The following TMEM192 variants were observed in gnomAD, a reference collection of about 807,000 sequenced individuals.
TMEM192 encodes the protein transmembrane protein 192.
Under a neutral mutation model 26.7 loss-of-function variants are expected in TMEM192, and 20 were observed. The ratio of observed to expected loss-of-function variants is 0.75; its 90% CI spans 0.53 to 1.09. The LOEUF is 1.09. Among genes scored for constraint, TMEM192 ranks in the 50% least tolerant of loss-of-function variants. The pLI is 0.00. For missense variants in TMEM192, 304 were observed against 322.6 expected (o/e 0.94, Z 0.44); for synonymous variants, 124 against 121.0 (o/e 1.02, Z -0.16).
chr4:165,090,211 T>A (rs1578903534), intron 3 of TMEM192, among the ~76,000 whole-genome samples: 1 of 77,258 alleles, frequency 1.3e-5, no homozygotes. Context: ...AACTCCGTCT[T>A]GGAAAAAAAA....
chr4:165,095,732 C>A (rs376067857), intron 3 of TMEM192, among the ~76,000 whole-genome samples: 3 of 152,130 alleles, frequency 2.0e-5, no homozygotes, highest in African/African-American at 7.2e-5. Flanking sequence ...GTGAAAAAAG[C>A]CCCAAATATG....
In TMEM192 at chr4:165,077,418, A is replaced by G. The variant is rs1020752207; in HGVS notation, c.*2240T>C. ...CCAGAACAGAGAAACAGATTTCTAG[A>G]GAAGGCAATGGCTTTGAGATACATA... On this transcript the variant is annotated 3_prime_UTR_variant, in exon 6 of 6. Coordinates refer to ENST00000306480, the MANE Select transcript of TMEM192 (RefSeq NM_001100389.2). The G allele has an allele frequency of 4.6e-5, 7 of 152,228 alleles. No homozygotes were observed. The highest frequency in any genetic ancestry group is 8.8e-5 in the Non-Finnish European group (6 of 68,042). The allele number at this position is 152,228 out of a possible 1,614,324, so 9.4% of individuals were successfully genotyped here.
rs1560920663 is a variant in TMEM192, at chr4:165,071,175, A to G, written c.*8483T>C. ...TTATAAATTAGGCACAGAGAGTAAC[A>G]ACATTAATAACAAAATAGAATAATT... On this transcript the variant is annotated 3_prime_UTR_variant, in exon 6 of 6. Coordinates refer to ENST00000306480, the MANE Select transcript of TMEM192 (RefSeq NM_001100389.2). The G allele has an allele frequency of 6.6e-6, 1 of 152,192 alleles. No individual in the cohort carries two copies. The highest frequency in any genetic ancestry group is 1.9e-4 in the East Asian group (1 of 5,206). The allele number at this position is 152,192 out of a possible 1,614,324, so 9.4% of individuals were successfully genotyped here. A position where few individuals can be genotyped will look rare whatever the true frequency, so the allele number is the denominator to read the frequency against.
rs1326966033 is a variant in TMEM192 at position 165,112,790 on chromosome 4, C to T, written c.-17G>A. The T allele has an allele frequency of 6.2e-7, 1 of 1,606,036 alleles. No individual in the cohort carries two copies. Among genetic ancestry groups the T allele is most frequent in the Middle Eastern group, 1.7e-4 (1 of 6,044 alleles). On this transcript the variant is annotated 5_prime_UTR_variant, in exon 1 of 6. Transcript: ENST00000306480. Reference sequence around the variant, plus strand: ...CGCCGCCATTTCCCGACGCCGGAGGCCGAAGCCCTGGCCAGCCCGGCCTCT... The same window carrying T: ...CGCCGCCATTTCCCGACGCCGGAGGTCGAAGCCCTGGCCAGCCCGGCCTCT...
chr4:165,070,761 G>A lies in TMEM192; in HGVS notation c.*8897C>T, dbSNP rs1325618737. Reference sequence around the variant, plus strand: ...GAGCCCAGGTTACAGCTGGATTACAGGAACAGGCTTTGAGCATGTGTGAGC... The same window carrying A: ...GAGCCCAGGTTACAGCTGGATTACAAGAACAGGCTTTGAGCATGTGTGAGC... On this transcript the variant is annotated 3_prime_UTR_variant, in exon 6 of 6. Transcript: ENST00000306480. 1 of 152,208 alleles carries A rather than the reference G, an allele frequency of 6.6e-6. No individual in the cohort carries two copies. Among genetic ancestry groups the A allele is most frequent in the Non-Finnish European group, 1.5e-5 (1 of 68,044 alleles). 9.4% of individuals were successfully genotyped at this position (152,208 alleles called of 1,614,324 possible).
At chr4:165,099,110 T>G (rs548748807) in intron 3 of TMEM192, among the ~76,000 whole-genome samples, 2 of 148,602 alleles carry the variant, frequency 1.3e-5, no homozygotes, top group Non-Finnish European at 3.0e-5. Flanking sequence ...TTCTTTTTTT[T>G]TTTTTTTTTT....
In TMEM192 at chr4:165,078,393, TAATGCC is replaced by T. The variant is rs1734436746; in HGVS notation, c.*1259_*1264del. 6.6e-6 allele frequency: 1 copy of T among 152,088 alleles called. No individual in the cohort carries two copies. The highest frequency in any genetic ancestry group is 2.1e-4 in the South Asian group (1 of 4,830). 9.4% of individuals were successfully genotyped at this position (152,088 alleles called of 1,614,324 possible). A position where few individuals can be genotyped will look rare whatever the true frequency, so the allele number is the denominator to read the frequency against. On this transcript the variant is annotated 3_prime_UTR_variant, in exon 6 of 6. Coordinates refer to ENST00000306480, the MANE Select transcript of TMEM192 (RefSeq NM_001100389.2). ...GGGCATACTAGGAAAAATGGAGAAA[TAATGCC>T]ATTTGCTCTGAAAAATACTTCAGTT...
At chr4:165,099,399 T>C (rs1734987703) in intron 3 of TMEM192, among the ~76,000 whole-genome samples, 1 of 152,110 alleles carries the variant, frequency 6.6e-6, no homozygotes, top group Admixed American at 6.6e-5. Context: ...TACTATAACT[T>C]AATGCCAAAT....
At chr4:165,112,248 C>G (rs1735310107) in intron 1 of TMEM192, among the ~76,000 whole-genome samples, 1 of 152,188 alleles carries the variant, frequency 6.6e-6, no homozygotes, top group Non-Finnish European at 1.5e-5. Flanking sequence ...GCGCCCGGCC[C>G]GAGCGTCGTT....
intron 3 of TMEM192, among the ~76,000 whole-genome samples, chr4:165,098,077 T>G (rs1370544429): frequency 6.6e-6 from 1 of 151,834 alleles, no homozygotes; most frequent in Non-Finnish European, 1.5e-5. Context: ...CGCCTCAGCC[T>G]ACCAAAGTGC....
At position 165,085,526 on chromosome 4, in the gene TMEM192, A is replaced by T. The variant is rs537452762; in HGVS notation, c.677+60T>A. On this transcript the variant is annotated intron_variant, in intron 5 of 5. Transcript: ENST00000306480. The stretch of plus-strand genomic sequence containing the variant: ...CACAATCATAAATTCCAAGCATCAG[A>T]ATGGTTTCTAGCTTTCTAGGGGAAA... 5.6e-6 allele frequency: 6 copies of T among 1,079,246 alleles called. No homozygotes were observed. In the East Asian group the frequency reaches 1.2e-4, roughly 21 times the overall value. 66.9% of individuals were successfully genotyped at this position (1,079,246 alleles called of 1,614,324 possible).
rs1227953369 is a variant in TMEM192 at position 165,073,747 on chromosome 4, T to A, written c.*5911A>T. 4 of 152,124 alleles carry A rather than the reference T, an allele frequency of 2.6e-5. No homozygotes were observed. Among genetic ancestry groups the A allele is most frequent in the African/African-American group, 9.7e-5 (4 of 41,420 alleles). 9.4% of individuals were successfully genotyped at this position (152,124 alleles called of 1,614,324 possible). A position where few individuals can be genotyped will look rare whatever the true frequency, so the allele number is the denominator to read the frequency against. On this transcript the variant is annotated 3_prime_UTR_variant, in exon 6 of 6. Coordinates refer to ENST00000306480, the MANE Select transcript of TMEM192 (RefSeq NM_001100389.2). ...CGAGATATGCTGGCAGCAATACTGCTCTGTTACTCTTTGCTACACTGAAAT... is the reference window on the plus strand; with the variant it reads ...CGAGATATGCTGGCAGCAATACTGCACTGTTACTCTTTGCTACACTGAAAT...
At position 165,072,349 on chromosome 4, in the gene TMEM192, G is replaced by A. The variant is rs1186680181; in HGVS notation, c.*7309C>T. ...GCGGGTGGATGACCTGAGGTCCGGA[G>A]TTCAAGACCAGCCTGGCTAACATGG... On this transcript the variant is annotated 3_prime_UTR_variant, in exon 6 of 6. Coordinates refer to ENST00000306480, the MANE Select transcript of TMEM192 (RefSeq NM_001100389.2). 6.6e-6 allele frequency: 1 copy of A among 152,158 alleles called. No homozygotes were observed. Among genetic ancestry groups the A allele is most frequent in the African/African-American group, 2.4e-5 (1 of 41,406 alleles). 9.4% of individuals were successfully genotyped at this position (152,158 alleles called of 1,614,324 possible). A position where few individuals can be genotyped will look rare whatever the true frequency, so the allele number is the denominator to read the frequency against.
intron 3 of TMEM192, among the ~76,000 whole-genome samples, 190 bp downstream of exon 3, chr4:165,100,438 G>A (rs867764385): frequency 3.3e-5 from 5 of 152,134 alleles, no homozygotes; most frequent in East Asian, 1.9e-4. Flanking sequence ...GATTATAGGC[G>A]TGAGCCACCG....
rs1302982800 is a variant in TMEM192, at chr4:165,074,676, C to G, written c.*4982G>C. ...GTCAGGCTGGTCTCGAACTCCTGAC[C>G]TCATGATCCGCCTGCCTCGGCCTCC... On this transcript the variant is annotated 3_prime_UTR_variant, in exon 6 of 6. Coordinates refer to ENST00000306480, the MANE Select transcript of TMEM192 (RefSeq NM_001100389.2). The G allele has an allele frequency of 1.3e-5, 2 of 152,088 alleles. No individual in the cohort carries two copies. The highest frequency in any genetic ancestry group is 2.9e-5 in the Non-Finnish European group (2 of 68,060). The allele number at this position is 152,088 out of a possible 1,614,324, so 9.4% of individuals were successfully genotyped here.
rs963961432 is a variant in TMEM192, at chr4:165,085,440, A to T, written c.677+146T>A. ...AATACATTTACACATCCTGATTTAGACTTGATTTCACCACAGCTGAAAGGA... is the reference window on the plus strand; with the variant it reads ...AATACATTTACACATCCTGATTTAGTCTTGATTTCACCACAGCTGAAAGGA... On this transcript the variant is annotated intron_variant, in intron 5 of 5. Transcript: ENST00000306480. 1.9e-5 allele frequency: 12 copies of T among 619,688 alleles called. No individual in the cohort carries two copies. In the Admixed American group the frequency reaches 3.2e-4, roughly 17 times the overall value. The allele number at this position is 619,688 out of a possible 1,614,324, so 38.4% of individuals were successfully genotyped here.
intron 1 of TMEM192, among the ~76,000 whole-genome samples, chr4:165,104,467 A>G (rs1235335980): frequency 6.6e-6 from 1 of 152,196 alleles, no homozygotes. Flanking sequence ...CTAGCTCTGG[A>G]GTGGGCTCCT....
At chr4:165,106,759 G>C (rs1735169085) in intron 1 of TMEM192, among the ~76,000 whole-genome samples, 1 of 152,178 alleles carries the variant, frequency 6.6e-6, no homozygotes, top group Non-Finnish European at 1.5e-5. Flanking sequence ...TGGCTTCCCT[G>C]GTTTTGAGGC....
At chr4:165,097,929 G>C (rs1172264903) in intron 3 of TMEM192, among the ~76,000 whole-genome samples, 3 of 151,980 alleles carry the variant, frequency 2.0e-5, no homozygotes, top group African/African-American at 7.3e-5. Flanking sequence ...CCGGGTTCAA[G>C]CGATTCTCAG....
Sources: allele counts gnomAD v4.1 joint callset (sites outside exome capture counted in the v4.1 genomes callset), GRCh38; gene constraint gnomAD v4.1.1; transcripts MANE v1.5; gene names NCBI Gene and HGNC (gene_info 2026-07-23, HGNC 2026-07-21).